TMEM209: variants seen among roughly 807,000 people sequenced by gnomAD.
The protein encoded by TMEM209 is transmembrane protein 209, also known as testicular tissue protein Li 202.
Under a neutral mutation model 76.2 loss-of-function variants are expected in TMEM209, and 65 were observed. The ratio of observed to expected loss-of-function variants is 0.85; its 90% CI spans 0.70 to 1.05. The LOEUF is 1.05. Among genes scored for constraint, TMEM209 ranks in the 50% least tolerant of loss-of-function variants. TMEM209 has a pLI of 0.00. For missense variants in TMEM209, 623 were observed against 685.5 expected (o/e 0.91, Z 1.02); for synonymous variants, 239 against 237.6 (o/e 1.01, Z -0.06).
At chr7:130,193,669 G>A (rs1020265293) in intron 5 of TMEM209, among the ~76,000 whole-genome samples, 1 of 151,954 alleles carries the variant, frequency 6.6e-6, no homozygotes, top group Non-Finnish European at 1.5e-5. Context: ...TGACGTTCTA[G>A]AAAAGGCAAA....
chr7:130,202,463 GA>G, intron 4 of TMEM209, 68 bp downstream of exon 4: 1 of 1,538,612 alleles, frequency 6.5e-7, no homozygotes, highest in African/African-American at 1.4e-5. Context: ...TACGAAATGG[GA>G]AAATTAAACT....
chr7:130,184,995 G>A (rs1797547963), intron 7 of TMEM209, among the ~76,000 whole-genome samples, 197 bp downstream of exon 7: 1 of 152,190 alleles, frequency 6.6e-6, no homozygotes, highest in Non-Finnish European at 1.5e-5. Context: ...GTGTCACAGA[G>A]TAAAATGTAT....
intron 6 of TMEM209, among the ~76,000 whole-genome samples, chr7:130,190,301 TG>T (rs1360853813): frequency 1.3e-5 from 2 of 152,136 alleles, no homozygotes; most frequent in African/African-American, 4.8e-5. Flanking sequence ...GCAGATCACC[TG>T]AGGTCAGGAG....
chr7:130,202,802 A>T, intron 3 of TMEM209, 139 bp from the exon 4 acceptor site: 6 of 1,062,022 alleles, frequency 5.6e-6, no homozygotes, highest in Non-Finnish European at 7.6e-6. Flanking sequence ...TGTTATGTGT[A>T]GGGTGGCTGG....
rs1239340653 is a variant in TMEM209, at chr7:130,165,103, AT to A, written c.*1347del. 5.9e-5 allele frequency: 9 copies of A among 152,222 alleles called. No homozygotes were observed. Among genetic ancestry groups the A allele is most frequent in the Admixed American group, 2.0e-4 (3 of 15,284 alleles). The allele number at this position is 152,222 out of a possible 1,614,324, so 9.4% of individuals were successfully genotyped here. A position where few individuals can be genotyped will look rare whatever the true frequency, so the allele number is the denominator to read the frequency against. On this transcript the variant is annotated 3_prime_UTR_variant, in exon 15 of 15. Transcript: ENST00000397622. ...TAAACCATACTGCAGATAACAAAAA[AT>A]ATACTTACATTTCTCTTCCAGAGAG...
At chr7:130,178,159 G>C (rs967474825) in intron 10 of TMEM209, among the ~76,000 whole-genome samples, 3 of 152,134 alleles carry the variant, frequency 2.0e-5, no homozygotes, top group African/African-American at 7.2e-5. Flanking sequence ...GAACTATAAA[G>C]AATGTCATAA....
chr7:130,185,261 G>T lies in TMEM209; in HGVS notation c.882C>A (p.Ala294=). The change falls in exon 7 of 15, where the codon GCC becomes GCA. Residue 294 remains alanine (A), a synonymous_variant. Transcript: ENST00000397622. ...QTLKKFQYQL[A]CRSQAPCANK... ...TAGCACATGGGGCCTGAGACCTACA[G>T]GCAAGCTGATACTGAAACTTCTTTA... 1.9e-6 allele frequency: 3 copies of T among 1,613,996 alleles called. No homozygotes were observed. Among genetic ancestry groups the T allele is most frequent in the Non-Finnish European group, 1.7e-6 (2 of 1,179,890 alleles).
Position 130,201,939 on chromosome 7 carries a change from A to C in TMEM209, c.484T>G (p.Tyr162Asp), listed in dbSNP as rs754971255. The change falls in exon 5 of 15, where the codon TAC becomes GAC. Residue 162 changes from tyrosine (Y) to aspartate (D), a missense_variant. Tyr to Asp is a radical substitution (Grantham distance 160). Transcript: ENST00000397622. The part of the protein sequence containing the change: ...PKFTTSCMTG[Y>D]SPQLQGLSSG... ...GACAGACCTTGCAGCTGAGGGCTGT[A>C]ACCAGTCATACAGCTGGTGGTGAAC... is the stretch of plus-strand genomic sequence containing the variant. The C allele has an allele frequency of 2.5e-6, 4 of 1,613,834 alleles. No individual in the cohort carries two copies. In the Admixed American group the frequency reaches 6.7e-5, roughly 27 times the overall value.
At chr7:130,175,663 A>G in intron 10 of TMEM209, 54 bp from the exon 11 acceptor site, 3 of 1,371,172 alleles carry the variant, frequency 2.2e-6, no homozygotes, top group Non-Finnish European at 2.0e-6. Context: ...AAAAGAAAAG[A>G]AAAAAAAAGC....
chr7:130,186,874 T>C (rs550979904), intron 6 of TMEM209, among the ~76,000 whole-genome samples: 1 of 152,166 alleles, frequency 6.6e-6, no homozygotes, highest in African/African-American at 2.4e-5. Flanking sequence ...GATTTGGAAA[T>C]CTGGGCAACA....
chr7:130,203,927 G>T, intron 2 of TMEM209, 47 bp downstream of exon 2: 5 of 1,605,346 alleles, frequency 3.1e-6, no homozygotes, highest in Non-Finnish European at 3.4e-6. Context: ...TGTGGAACCA[G>T]CCACTGGCTT....
intron 5 of TMEM209, among the ~76,000 whole-genome samples, chr7:130,200,903 C>A (rs952751293): frequency 1.1e-4 from 16 of 151,862 alleles, no homozygotes; most frequent in Non-Finnish European, 2.2e-4. Flanking sequence ...TCCTGGCTAA[C>A]ATGGCGAAAC....
Position 130,192,796 on chromosome 7 carries a change from A to G in TMEM209, c.601T>C (p.Ser201Pro), listed in dbSNP as rs755346066. The G allele has an allele frequency of 3.7e-6, 6 of 1,613,814 alleles. No homozygotes were observed. Among genetic ancestry groups the G allele is most frequent in the East Asian group, 4.5e-5 (2 of 44,894 alleles). The change falls in exon 6 of 15, where the codon TCT (serine) becomes CCT (proline). Residue 201 changes from serine to proline, a missense_variant. Transcript: ENST00000397622. ...KLASFSPSPP[S>P]PYPTTVGPVE... ...GGTCCAACAGTGGTAGGGTACGGAG[A>G]AGGAGGAGAGGGGCTAAAGCTCGCC...
At chr7:130,169,066 GTC>G (rs1796967545) in intron 14 of TMEM209, among the ~76,000 whole-genome samples, 1 of 151,700 alleles carries the variant, frequency 6.6e-6, no homozygotes, top group African/African-American at 2.4e-5. Context: ...GAGAAACCCC[GTC>G]TCTACCAAAA....
chr7:130,188,404 G>A (rs1358099868), intron 6 of TMEM209, among the ~76,000 whole-genome samples: 2 of 151,940 alleles, frequency 1.3e-5, no homozygotes, highest in Non-Finnish European at 2.9e-5. Context: ...AGACCATCCT[G>A]GCTAACATGG....
chr7:130,167,643 T>A (rs1288749508), intron 14 of TMEM209, among the ~76,000 whole-genome samples: 2 of 152,180 alleles, frequency 1.3e-5, no homozygotes. Context: ...TTACAGTGTC[T>A]TTTCCCAAAC....
chr7:130,167,572 C>A (rs1200039566), intron 14 of TMEM209, among the ~76,000 whole-genome samples: 2 of 152,184 alleles, frequency 1.3e-5, no homozygotes, highest in East Asian at 3.9e-4. Context: ...TTTGCAAACC[C>A]AATTACTACT....
intron 6 of TMEM209, 135 bp downstream of exon 6, chr7:130,192,487 A>C: frequency 1.4e-6 from 1 of 728,204 alleles, no homozygotes; most frequent in Admixed American, 2.7e-5. Flanking sequence ...GCATAAAATA[A>C]TGTTACATAT....
chr7:130,188,542 G>A (rs1797685369), intron 6 of TMEM209, among the ~76,000 whole-genome samples: 1 of 140,640 alleles, frequency 7.1e-6, no homozygotes. Flanking sequence ...CTTGCAGCGA[G>A]CCGAGATCAC....
Sources: gnomAD v4.1 joint callset for allele counts (sites outside exome capture counted in the v4.1 genomes callset) on GRCh38, gnomAD v4.1.1 for gene constraint, MANE v1.5 for transcripts, NCBI Gene and HGNC (gene_info 2026-07-23, HGNC 2026-07-21) for gene names.